Variants in FAT1 observed in about 807,000 individuals in gnomAD.
FAT1 encodes FAT atypical cadherin 1.
Under a neutral mutation model 329.8 loss-of-function variants are expected in FAT1, and 171 were observed. The ratio of observed to expected loss-of-function variants is 0.52; its 90% CI spans 0.46 to 0.59. The LOEUF (loss-of-function observed/expected upper bound fraction) is 0.59. FAT1 is among the 20% of genes least tolerant of loss of function. FAT1 has a pLI of 0.00. For missense variants in FAT1, 5,672 were observed against 5,774.4 expected (o/e 0.98, Z 0.57); for synonymous variants, 2,233 against 2,228.6 (o/e 1.00, Z -0.06).
Position 186,707,922 on chromosome 4 carries a change from C to T in FAT1, c.1906G>A (p.Ala636Thr), listed in dbSNP as rs202140013. The T allele has an allele frequency of 2.9e-4, 471 of 1,613,864 alleles. 2 individuals are homozygous for T. The highest frequency in any genetic ancestry group is 4.7e-5 in the Non-Finnish European group (56 of 1,179,894). ...LKRSLMDGLG[A>T]KVSFHSLRIT... ...CTCAGACTGTGGAAAGACACCTTTG[C>T]ACCTAAGCCATCCATTAGCGATCGC... Residue 636 changes from alanine (A) to threonine (T), a missense_variant, in exon 2 of 27, where the codon GCA becomes ACA. Physicochemically the swap from Ala to Thr is moderately conservative, Grantham distance 58. Transcript: ENST00000441802.
At chr4:186,694,248 C>T (rs762925994) in intron 2 of FAT1, among the ~76,000 whole-genome samples, 1 of 152,132 alleles carries the variant, frequency 6.6e-6, no homozygotes. Context: ...TTTCTCATAA[C>T]GCTCAACCTC....
At chr4:186,652,635 T>A (rs558121241) in intron 3 of FAT1, among the ~76,000 whole-genome samples, 3 of 151,720 alleles carry the variant, frequency 2.0e-5, no homozygotes, top group Non-Finnish European at 4.4e-5. Context: ...AAATAGGTAA[T>A]TTTTTTTTAA....
chr4:186,707,933 T>TC lies in FAT1; in HGVS notation c.1894dup (p.Asp632GlyfsTer44). The TC allele has an allele frequency of 6.2e-7, 1 of 1,613,992 alleles. No individual in the cohort carries two copies. The highest frequency in any genetic ancestry group is 8.5e-7 in the Non-Finnish European group (1 of 1,179,896). On this transcript the variant is annotated frameshift_variant, in exon 2 of 27. Coordinates refer to ENST00000441802, the MANE Select transcript of FAT1 (RefSeq NM_005245.4). LOFTEE classifies it high-confidence loss of function. ...GAAAGACACCTTTGCACCTAAGCCA[T>TC]CCATTAGCGATCGCTTTAATGACAA...
rs1331056945 is a variant in FAT1, at chr4:186,597,266, G to C, written c.12369-95C>G. The C allele has an allele frequency of 3.1e-6, 4 of 1,307,220 alleles. No individual in the cohort carries two copies. The African/African-American group carries it at 6.0e-5, about 19-fold the overall frequency. 81.0% of individuals were successfully genotyped at this position (1,307,220 alleles called of 1,614,324 possible). A position where few individuals can be genotyped will look rare whatever the true frequency, so the allele number is the denominator to read the frequency against. ...AGAGACTGAAGACTAATCCCTCCTT[G>C]ATGAGCTATGTGAAGATCAAACCCA... On this transcript the variant is annotated intron_variant, in intron 24 of 26. Coordinates refer to ENST00000441802, the MANE Select transcript of FAT1 (RefSeq NM_005245.4).
At chr4:186,723,141 C>A (rs1033647087) in intron 1 of FAT1, among the ~76,000 whole-genome samples, 1 of 152,206 alleles carries the variant, frequency 6.6e-6, no homozygotes, top group African/African-American at 2.4e-5. Context: ...ACTGACAAAC[C>A]GCACATTGTG....
intron 2 of FAT1, among the ~76,000 whole-genome samples, chr4:186,699,222 G>C (rs1458273925): frequency 6.6e-6 from 1 of 151,920 alleles, no homozygotes; most frequent in Non-Finnish European, 1.5e-5. Context: ...TCACAAACCA[G>C]AAAGCAGTCT....
In FAT1 at chr4:186,588,373, C is replaced by G; in HGVS notation, c.*219G>C. On this transcript the variant is annotated 3_prime_UTR_variant, in exon 27 of 27. Transcript: ENST00000441802. ...TTTTAACACAGACAGATGTAAATCC[C>G]AAAAGACGTTGGGAAATGGCACAGC... 1 of 547,084 alleles carries G rather than the reference C, an allele frequency of 1.8e-6. No individual in the cohort carries two copies. The highest frequency in any genetic ancestry group is 3.2e-6 in the Non-Finnish European group (1 of 316,668). 33.9% of individuals were successfully genotyped at this position (547,084 alleles called of 1,614,324 possible).
At chr4:186,605,231 A>G (rs1381961804) in intron 17 of FAT1, among the ~76,000 whole-genome samples, 1 of 144,844 alleles carries the variant, frequency 6.9e-6, no homozygotes, top group African/African-American at 2.7e-5. Flanking sequence ...AAAAAAAAAA[A>G]AAAAGAGGAA....
At chr4:186,634,467 T>C (rs925999624) in intron 6 of FAT1, among the ~76,000 whole-genome samples, 1 of 152,156 alleles carries the variant, frequency 6.6e-6, no homozygotes, top group Non-Finnish European at 1.5e-5. Flanking sequence ...AGGTTTAATG[T>C]CATGATGAAA....
At position 186,619,529 on chromosome 4, in the gene FAT1, A is replaced by C. The variant is rs146085516; in HGVS notation, c.7057T>G (p.Ser2353Ala). The C allele has an allele frequency of 5.4e-4, 870 of 1,613,908 alleles. 16 individuals are homozygous for C. The East Asian group carries it at 0.018, about 33-fold the overall frequency. The change falls in exon 10 of 27, where the codon TCC becomes GCC. Residue 2353 changes from serine (S) to alanine (A), a missense_variant. By Grantham distance (99) the Ser-to-Ala change is moderately conservative. Coordinates refer to ENST00000441802, the MANE Select transcript of FAT1 (RefSeq NM_005245.4). Reference sequence around the variant, plus strand: ...CTCACAAAAATCGTGTGCTGCCGGGACTGCTCGTAATCCAGGGTTCTGAGT... The same window carrying C: ...CTCACAAAAATCGTGTGCTGCCGGGCCTGCTCGTAATCCAGGGTTCTGAGT... ...SLLRTLDYEQ[S>A]RQHTIFVRAV... is the part of the protein sequence containing the mutation.
At chr4:186,601,614 G>A in intron 20 of FAT1, 188 bp from the exon 21 acceptor site, 8 of 443,752 alleles carry the variant, frequency 1.8e-5, no homozygotes, top group South Asian at 1.5e-4. Flanking sequence ...CTCTCTGTTT[G>A]GAAAGAATAA....
At chr4:186,671,220 A>ACTC (rs950245436) in intron 2 of FAT1, among the ~76,000 whole-genome samples, 2 of 152,156 alleles carry the variant, frequency 1.3e-5, no homozygotes, top group African/African-American at 4.8e-5. Flanking sequence ...ATACCTTGAG[A>ACTC]GCCTAATGTG....
intron 2 of FAT1, among the ~76,000 whole-genome samples, chr4:186,672,451 GACC>G (rs1742773067): frequency 6.6e-6 from 1 of 152,086 alleles, no homozygotes; most frequent in South Asian, 2.1e-4. Context: ...CCATGACACT[GACC>G]ACCATGACCC....
At chr4:186,612,281 G>A (rs752329780) in intron 13 of FAT1, among the ~76,000 whole-genome samples, 1 of 151,884 alleles carries the variant, frequency 6.6e-6, no homozygotes, top group Admixed American at 6.6e-5. Context: ...AGACTATTTC[G>A]TATAGGAGCC....
intron 9 of FAT1, among the ~76,000 whole-genome samples, chr4:186,627,827 A>C (rs868264584): frequency 6.6e-6 from 1 of 152,214 alleles, no homozygotes; most frequent in Admixed American, 6.5e-5. Context: ...TAATTTAACC[A>C]ATGTTACAGA....
chr4:186,600,001 T>A lies in FAT1; in HGVS notation c.12000A>T (p.Glu4000Asp), dbSNP rs1738718975. 6.2e-7 allele frequency: 1 copy of A among 1,613,844 alleles called. No individual in the cohort carries two copies. Among genetic ancestry groups the A allele is most frequent in the African/African-American group, 1.3e-5 (1 of 74,902 alleles). The change falls in exon 22 of 27, where the codon GAA becomes GAT. Residue 4000 changes from glutamate to aspartate, a missense_variant. Glu to Asp is a conservative substitution (Grantham distance 45). Coordinates refer to ENST00000441802, the MANE Select transcript of FAT1 (RefSeq NM_005245.4). Reference protein sequence around the residue: ...NSKPRSYAHIEESVDVSPGCF... With the variant: ...NSKPRSYAHIDESVDVSPGCF... Reference sequence around the variant, plus strand: ...AGCCTGGAGATACATCCACCGACTCTTCGATGTGTGCATAGCTTCTGGGTT... The same window carrying A: ...AGCCTGGAGATACATCCACCGACTCATCGATGTGTGCATAGCTTCTGGGTT...
At chr4:186,666,894 G>C (rs1742466171) in intron 2 of FAT1, among the ~76,000 whole-genome samples, 2 of 152,178 alleles carry the variant, frequency 1.3e-5, no homozygotes, top group Non-Finnish European at 2.9e-5. Flanking sequence ...GCTGGAGTGT[G>C]AATACCACAA....
At chr4:186,660,501 TACTA>T (rs1255034882) in intron 3 of FAT1, among the ~76,000 whole-genome samples, 5 of 152,226 alleles carry the variant, frequency 3.3e-5, no homozygotes, top group African/African-American at 1.2e-4. Context: ...TACTGCTGTG[TACTA>T]ACTATGGTAT....
At chr4:186,716,686 G>A (rs1308483533) in intron 1 of FAT1, among the ~76,000 whole-genome samples, 1 of 152,210 alleles carries the variant, frequency 6.6e-6, no homozygotes, top group Non-Finnish European at 1.5e-5. Context: ...CCAAAATGTT[G>A]GGATTACAGT....
Sources: gnomAD v4.1 joint callset for allele counts (sites outside exome capture counted in the v4.1 genomes callset) on GRCh38, gnomAD v4.1.1 for gene constraint, MANE v1.5 for transcripts, NCBI Gene and HGNC (gene_info 2026-07-23, HGNC 2026-07-21) for gene names.